The following DNAH6 variants were observed in gnomAD, a reference collection of about 807,000 sequenced individuals.
The protein encoded by DNAH6 is axonemal beta dynein heavy chain 6.
DNAH6 carries 340 observed loss-of-function variants against 491.4 expected under a neutral mutation model. The observed-to-expected ratio is 0.69, with a 90% CI of 0.63 to 0.76. The LOEUF is 0.76. DNAH6 is among the 30% of genes least tolerant of loss of function. DNAH6 has a pLI of 0.00. For missense variants in DNAH6, 4,443 were observed against 4,972.2 expected (o/e 0.89, Z 3.20); for synonymous variants, 1,603 against 1,686.1 (o/e 0.95, Z 1.21).
intron 16 of DNAH6, among the ~76,000 whole-genome samples, chr2:84,593,201 A>G (rs1317616754): frequency 6.6e-6 from 1 of 152,172 alleles, no homozygotes; most frequent in Non-Finnish European, 1.5e-5. Context: ...TATGACTTCA[A>G]GACTGATTCC....
intron 44 of DNAH6, among the ~76,000 whole-genome samples, chr2:84,687,450 C>T (rs1350752094): frequency 6.6e-6 from 1 of 152,110 alleles, no homozygotes; most frequent in African/African-American, 2.4e-5. Flanking sequence ...TAGACAATAC[C>T]TCACCACTCT....
At chr2:84,812,966 C>T in intron 73 of DNAH6, 92 bp from the exon 74 acceptor site, 1 of 1,068,382 alleles carries the variant, frequency 9.4e-7, no homozygotes, top group Non-Finnish European at 1.4e-6. Context: ...TAGATTCTGC[C>T]TCCTGAGAAA....
chr2:84,656,341 G>A (rs1690967305), intron 35 of DNAH6, among the ~76,000 whole-genome samples: 1 of 152,062 alleles, frequency 6.6e-6, no homozygotes. Context: ...TTTAGTATAT[G>A]TTTAGCTTTG....
chr2:84,810,321 G>A (rs1190205160), intron 72 of DNAH6, among the ~76,000 whole-genome samples: 9 of 152,110 alleles, frequency 5.9e-5, no homozygotes, highest in South Asian at 2.1e-4. Context: ...TAAATCTTCC[G>A]TGAATATTTG....
intron 54 of DNAH6, 104 bp downstream of exon 54, chr2:84,707,820 G>A (rs956736011): frequency 3.4e-5 from 27 of 787,972 alleles, no homozygotes; most frequent in Non-Finnish European, 4.8e-5. Flanking sequence ...CACTGTAGAG[G>A]TTCTTCATGG....
At position 84,654,757 on chromosome 2, in the gene DNAH6, C is replaced by T; in HGVS notation, c.5732C>T (p.Thr1911Ile). The T allele has an allele frequency of 6.4e-7, 1 of 1,551,024 alleles. No homozygotes were observed. Among genetic ancestry groups the T allele is most frequent in the African/African-American group, 1.4e-5 (1 of 73,072 alleles). The change falls in exon 35 of 77, where the codon ACT (threonine) becomes ATT (isoleucine). Residue 1911 changes from threonine to isoleucine, a missense_variant. Thr to Ile is a moderately conservative substitution (Grantham distance 89). Coordinates refer to ENST00000389394, the MANE Select transcript of DNAH6 (RefSeq NM_001370.2). ...CTGAAATGGATGCCTTATGTTAAAA[C>T]TTGGATGAAGGGTATTTCTAAAAAA... ...EELKWMPYVKTWMKGISKKLT... is the reference protein window; with the variant it reads ...EELKWMPYVKIWMKGISKKLT...
intron 9 of DNAH6, among the ~76,000 whole-genome samples, chr2:84,552,372 C>A (rs1679475852): frequency 6.6e-6 from 1 of 152,136 alleles, no homozygotes. Flanking sequence ...TACACAAATA[C>A]CCAGCACTAT....
intron 4 of DNAH6, among the ~76,000 whole-genome samples, chr2:84,536,168 C>T (rs1236980581): frequency 2.6e-5 from 4 of 152,058 alleles, no homozygotes; most frequent in Non-Finnish European, 5.9e-5. Flanking sequence ...TACTATTTTT[C>T]GTTGTTTCAT....
At chr2:84,762,595 A>G (rs529376507) in intron 63 of DNAH6, among the ~76,000 whole-genome samples, 160 bp from the exon 64 acceptor site, 1 of 152,312 alleles carries the variant, frequency 6.6e-6, no homozygotes, top group African/African-American at 2.4e-5. Flanking sequence ...TTGGTGAACA[A>G]ATCCACCAAA....
chr2:84,519,948 A>G (rs1489714247), intron 2 of DNAH6, among the ~76,000 whole-genome samples: 1 of 152,086 alleles, frequency 6.6e-6, no homozygotes, highest in Non-Finnish European at 1.5e-5. Flanking sequence ...AATAAATACA[A>G]TACTCTCCAT....
rs199645905 is a variant in DNAH6 at position 84,579,510 on chromosome 2, C to G, written c.2077-17C>G. The G allele has an allele frequency of 6.2e-7, 1 of 1,611,594 alleles. No homozygotes were observed. Among genetic ancestry groups the G allele is most frequent in the East Asian group, 2.2e-5 (1 of 44,822 alleles). ...AATATTCGACTATTTACAATTCACA[C>G]GGTGTTTCTTTCTTAGGTGCTAAAT... On this transcript the variant is annotated splice_polypyrimidine_tract_variant and intron_variant, in intron 13 of 76. Coordinates refer to ENST00000389394, the MANE Select transcript of DNAH6 (RefSeq NM_001370.2).
At chr2:84,788,212 G>A (rs1249611370) in intron 68 of DNAH6, among the ~76,000 whole-genome samples, 1 of 152,170 alleles carries the variant, frequency 6.6e-6, no homozygotes, top group Non-Finnish European at 1.5e-5. Flanking sequence ...AAATTGCTTA[G>A]CAAAGTGATG....
the DNAH6 span, among the ~76,000 whole-genome samples, chr2:84,472,255 A>G: frequency 1.3e-4 from 19 of 151,554 alleles, no homozygotes; most frequent in Non-Finnish European, 2.6e-4. Context: ...TCTTTCCACT[A>G]TTGCCTGTCC....
chr2:84,568,605 A>C (rs1305367534), intron 11 of DNAH6, among the ~76,000 whole-genome samples: 1 of 152,150 alleles, frequency 6.6e-6, no homozygotes, highest in Non-Finnish European at 1.5e-5. Context: ...TAGCAAATAC[A>C]TGTGGGGCTT....
Position 84,685,411 on chromosome 2 carries a change from T to G in DNAH6, c.7002T>G (p.His2334Gln), listed in dbSNP as rs892420449. ...LFCHECQRVF[H>Q]DRLINNEDKH... ...GCCATGAGTGCCAAAGGGTCTTCCATGATCGCTTGATTAATAATGAAGATA... is the reference window on the plus strand; with the variant it reads ...GCCATGAGTGCCAAAGGGTCTTCCAGGATCGCTTGATTAATAATGAAGATA... The change falls in exon 43 of 77, where the codon CAT becomes CAG. Residue 2334 changes from histidine to glutamine, a missense_variant. This residue lies in a region of DNAH6 where 2,977 missense variants were observed against 3,296.6 expected (regional missense o/e 0.90). Transcript: ENST00000389394. 6.6e-7 allele frequency: 1 copy of G among 1,526,428 alleles called. No individual in the cohort carries two copies. The highest frequency in any genetic ancestry group is 2.0e-5 in the Admixed American group (1 of 50,006). 94.6% of individuals were successfully genotyped at this position (1,526,428 alleles called of 1,614,324 possible).
In DNAH6 at chr2:84,713,237, C is replaced by T. The variant is rs1433237959; in HGVS notation, c.9521C>T (p.Pro3174Leu). 2 of 1,552,144 alleles carry T rather than the reference C, an allele frequency of 1.3e-6. No homozygotes were observed. The highest frequency in any genetic ancestry group is 2.0e-5 in the Admixed American group (1 of 50,990). ...NFRFYMTTKM[P>L]NPHYLPEVCI... is the part of the protein sequence containing the mutation. ...AGGTTCTATATGACAACCAAAATGC[C>T]AAATCCCCACTATCTGCCTGAGGTA... The change falls in exon 57 of 77, where the codon CCA (proline) becomes CTA (leucine). Residue 3174 changes from proline (P) to leucine (L), a missense_variant. Physicochemically the swap from Pro to Leu is moderately conservative, Grantham distance 98. Transcript: ENST00000389394.
chr2:84,510,785 T>C, the DNAH6 span, among the ~76,000 whole-genome samples: 2 of 152,324 alleles, frequency 1.3e-5, no homozygotes, highest in African/African-American at 4.8e-5. Context: ...TTAGTTTTCC[T>C]TCTAACAGTC....
rs1263374947 is a variant in DNAH6 at position 84,517,981 on chromosome 2, C to T, written c.155C>T (p.Thr52Met). 5.8e-6 allele frequency: 9 copies of T among 1,551,928 alleles called. No homozygotes were observed. The highest frequency in any genetic ancestry group is 4.9e-5 in the East Asian group (2 of 40,894). ...TENESDTQIL[T>M]FRHITKAQEK... ...AATGAATCTGATACACAAATCCTAA[C>T]GTTTAGGCACATTACAAAAGCTCAG... The change falls in exon 2 of 77, where the codon ACG becomes ATG. Residue 52 changes from threonine to methionine, a missense_variant. Thr to Met is a moderately conservative substitution (Grantham distance 81). Transcript: ENST00000389394.
the DNAH6 span, among the ~76,000 whole-genome samples, chr2:84,463,405 T>C: frequency 6.6e-6 from 1 of 152,156 alleles, no homozygotes; most frequent in African/African-American, 2.4e-5. Context: ...GTTTTTGAAA[T>C]AGGTAATTTA....
Sources: gnomAD v4.1 joint callset for allele counts (sites outside exome capture counted in the v4.1 genomes callset) on GRCh38, gnomAD v4.1.1 for gene constraint, gnomAD v4.1.1 regional missense constraint, MANE v1.5 for transcripts, NCBI Gene and HGNC (gene_info 2026-07-23, HGNC 2026-07-21) for gene names.